The following ITSN1 variants were observed in gnomAD, a reference collection of about 807,000 sequenced individuals.
The protein encoded by ITSN1 is intersectin-1.
A neutral mutation model predicts 239.8 loss-of-function variants in ITSN1; 58 were observed. The ratio of observed to expected loss-of-function variants is 0.24; its 90% CI spans 0.20 to 0.30. The LOEUF is 0.30. Ranked by LOEUF, ITSN1 falls within the 10% of genes least tolerant of loss-of-function variation. The probability of loss-of-function intolerance (pLI) is 1.00; values close to 1 mark genes in which losing one functional copy is unlikely to be tolerated. For synonymous variants in ITSN1, 780 were observed against 770.8 expected (o/e 1.01, Z -0.20); for missense variants, 1,558 against 2,103.3 (o/e 0.74, Z 5.07).
intron 1 of ITSN1, among the ~76,000 whole-genome samples, chr21:33,653,407 CCTCT>C (rs1357364474): frequency 6.6e-6 from 1 of 152,182 alleles, no homozygotes; most frequent in Non-Finnish European, 1.5e-5. Context: ...GAATCTCAGC[CCTCT>C]AAGACTTCTA....
intron 1 of ITSN1, among the ~76,000 whole-genome samples, chr21:33,710,576 AATTTTTGTGAATG>A (rs2092386927): frequency 6.6e-6 from 1 of 151,910 alleles, no homozygotes; most frequent in Admixed American, 6.6e-5. Flanking sequence ...TTCAATTTTT[AATTTTTGTGAATG>A]ATTTTTGTAT....
chr21:33,802,579 T>C (rs2072088782), intron 20 of ITSN1, 135 bp downstream of exon 20: 4 of 804,136 alleles, frequency 5.0e-6, no homozygotes, highest in Non-Finnish European at 8.1e-6. Context: ...GTCTGTGTAG[T>C]AGGTTGTGCT....
rs77855159 is a variant in ITSN1 at position 33,736,236 on chromosome 21, T to C, written c.346+1032T>C. Among the ~76,000 whole-genome samples the C allele has an allele frequency of 3.5e-4, 53 of 152,312 alleles. 1 individual carries two copies. In the East Asian group the frequency reaches 0.01, roughly 29 times the overall value. On this transcript the variant is annotated intron_variant, in intron 5 of 39. Transcript: ENST00000381318. ...TTCTTTTCATCTCTTCATCCTCAGA[T>C]AGCTGATGATAGGTGATAAAGTGAA... is the stretch of plus-strand genomic sequence containing the variant.
intron 31 of ITSN1, among the ~76,000 whole-genome samples, chr21:33,860,212 C>T (rs1248970528): frequency 2.7e-5 from 4 of 149,764 alleles, no homozygotes; most frequent in Non-Finnish European, 1.5e-5. Context: ...GAGGCTGAGG[C>T]AGAAGAATCG....
At chr21:33,852,267 G>C (rs1267414042) in intron 29 of ITSN1, among the ~76,000 whole-genome samples, 1 of 152,118 alleles carries the variant, frequency 6.6e-6, no homozygotes, top group Non-Finnish European at 1.5e-5. Flanking sequence ...CAGGAACAAG[G>C]TCTGTTTATT....
chr21:33,811,940 A>T (rs1292442265), intron 21 of ITSN1, among the ~76,000 whole-genome samples: 1 of 152,204 alleles, frequency 6.6e-6, no homozygotes, highest in Non-Finnish European at 1.5e-5. Flanking sequence ...AAGTCTAATC[A>T]TCTTTCAGAA....
At chr21:33,884,738 A>G (rs1239283718) in intron 36 of ITSN1, among the ~76,000 whole-genome samples, 1 of 152,186 alleles carries the variant, frequency 6.6e-6, no homozygotes, top group East Asian at 1.9e-4. Context: ...GCTCTTCGGT[A>G]AGGAAGGAAG....
chr21:33,740,281 T>C (rs1388207705), intron 5 of ITSN1, among the ~76,000 whole-genome samples: 3 of 152,036 alleles, frequency 2.0e-5, no homozygotes, highest in Non-Finnish European at 4.4e-5. Context: ...TGGGGCAGTT[T>C]GGATATGGAG....
At position 33,813,531 on chromosome 21, in the gene ITSN1, T is replaced by C. The variant is rs184451064; in HGVS notation, c.2568-382T>C. 2.6e-3 allele frequency among the ~76,000 whole-genome samples: 390 copies of C among 152,152 alleles called. 4 individuals carry two copies. Among genetic ancestry groups the C allele is most frequent in the African/African-American group, 9.0e-3 (373 of 41,504 alleles). ...CCACACCCAGCTAATTTTTGTATTT[T>C]TAGTAGAGATGGGGTTTCACCATGT... On this transcript the variant is annotated intron_variant, in intron 21 of 39. Coordinates refer to ENST00000381318, the MANE Select transcript of ITSN1 (RefSeq NM_003024.3).
In ITSN1 at chr21:33,778,665, G is replaced by A. The variant is rs1197985737; in HGVS notation, c.1597-2796G>A. ...GCAATCTCGGCTCACTGCAAGCTCC[G>A]CCTCCCGGGTTCACGCCATTCTCCT... On this transcript the variant is annotated intron_variant, in intron 14 of 39. Transcript: ENST00000381318. Among the ~76,000 whole-genome samples the A allele has an allele frequency of 2.5e-4, 28 of 113,084 alleles. No homozygotes were observed. In the East Asian group the frequency reaches 6.2e-3, roughly 25 times the overall value. The allele number at this position is 113,084 out of a possible 152,430, so 74.2% of individuals were successfully genotyped here. A position where few individuals can be genotyped will look rare whatever the true frequency, so the allele number is the denominator to read the frequency against.
intron 20 of ITSN1, 165 bp from the exon 21 acceptor site, chr21:33,810,805 TCAGCA>T: frequency 3.4e-5 from 28 of 814,570 alleles, no homozygotes; most frequent in Admixed American, 1.7e-4. Context: ...ATTTTTTTTT[TCAGCA>T]TTACTGCTTA....
At chr21:33,678,918 CAG>C (rs2090762854) in intron 1 of ITSN1, among the ~76,000 whole-genome samples, 5 of 152,070 alleles carry the variant, frequency 3.3e-5, no homozygotes, top group African/African-American at 1.2e-4. Flanking sequence ...TTCACGGAAG[CAG>C]AGATTTTCTG....
intron 36 of ITSN1, 83 bp from the exon 37 acceptor site, chr21:33,884,958 A>C (rs1279507367): frequency 1.1e-6 from 1 of 918,862 alleles, no homozygotes; most frequent in African/African-American, 1.7e-5. Context: ...AAAGAAACAG[A>C]GTCCTGGCAA....
In ITSN1 at chr21:33,875,522, G is replaced by A; in HGVS notation, c.4341+1G>A. The A allele has an allele frequency of 6.2e-7, 1 of 1,612,952 alleles. No homozygotes were observed. The highest frequency in any genetic ancestry group is 1.1e-5 in the South Asian group (1 of 91,034). On this transcript the variant is annotated splice_donor_variant, in intron 34 of 39. Transcript: ENST00000381318. LOFTEE classifies it high-confidence loss of function. Reference sequence around the variant, plus strand: ...CGTGCAGTGTGAAGGCCTGTCTGAGGTAGCCAACCTTGGGGCTGGGCCCTG... The same window carrying A: ...CGTGCAGTGTGAAGGCCTGTCTGAGATAGCCAACCTTGGGGCTGGGCCCTG...
chr21:33,842,699 T>C (rs764734770), intron 29 of ITSN1, among the ~76,000 whole-genome samples: 1 of 152,210 alleles, frequency 6.6e-6, no homozygotes, highest in Non-Finnish European at 1.5e-5. Flanking sequence ...GCTTGGCACG[T>C]CGCTTCTGAG....
chr21:33,736,273 A>G (rs1330136184), intron 5 of ITSN1, among the ~76,000 whole-genome samples: 1 of 152,214 alleles, frequency 6.6e-6, no homozygotes, highest in African/African-American at 2.4e-5. Context: ...TAGATTTCGG[A>G]GGGGGCAGTC....
At chr21:33,717,624 C>CT (rs2065231750) in intron 1 of ITSN1, among the ~76,000 whole-genome samples, 1 of 152,016 alleles carries the variant, frequency 6.6e-6, no homozygotes, top group African/African-American at 2.4e-5. Flanking sequence ...GGTGCAATCT[C>CT]GGCTCACTGC....
intron 1 of ITSN1, among the ~76,000 whole-genome samples, chr21:33,685,852 A>G (rs1469838754): frequency 6.6e-6 from 1 of 152,164 alleles, no homozygotes; most frequent in Non-Finnish European, 1.5e-5. Context: ...TAATTTCTGC[A>G]TTTCAAGTGG....
At chr21:33,653,808 C>T (rs2088780818) in intron 1 of ITSN1, among the ~76,000 whole-genome samples, 1 of 152,150 alleles carries the variant, frequency 6.6e-6, no homozygotes, top group African/African-American at 2.4e-5. Flanking sequence ...AGGCGTGAGC[C>T]ACTGCGCCCG....
Sources: allele counts gnomAD v4.1 joint callset (sites outside exome capture counted in the v4.1 genomes callset), GRCh38; gene constraint gnomAD v4.1.1; transcripts MANE v1.5; gene names NCBI Gene and HGNC (gene_info 2026-07-23, HGNC 2026-07-21).